THSD7B: variants seen among roughly 807,000 people sequenced by gnomAD.
The protein encoded by THSD7B is thrombospondin type 1 domain containing 7B, also known as thrombospondin type-1 domain-containing protein 7B.
Under a neutral mutation model 213.6 loss-of-function variants are expected in THSD7B, and 138 were observed. The ratio of observed to expected loss-of-function variants is 0.65; its 90% CI spans 0.56 to 0.74. THSD7B has a LOEUF of 0.74. Among genes scored for constraint, THSD7B ranks in the 30% least tolerant of loss-of-function variants. The pLI is 0.00. For synonymous variants in THSD7B, 742 were observed against 687.0 expected (o/e 1.08, Z -1.25); for missense variants, 1,931 against 1,991.5 (o/e 0.97, Z 0.58).
chr2:137,182,446 T>C (rs1326895900), intron 7 of THSD7B, among the ~76,000 whole-genome samples: 1 of 152,166 alleles, frequency 6.6e-6, no homozygotes, highest in Non-Finnish European at 1.5e-5. Context: ...AAGCTGCCTA[T>C]AGTGTATGAA....
intron 12 of THSD7B, among the ~76,000 whole-genome samples, chr2:137,382,225 G>C (rs577156412): frequency 7.2e-5 from 11 of 152,182 alleles, no homozygotes; most frequent in Non-Finnish European, 1.5e-4. Flanking sequence ...TAGCCCCACT[G>C]TATGTCATGG....
chr2:137,032,022 G>A (rs754749821), intron 2 of THSD7B, among the ~76,000 whole-genome samples: 51 of 151,642 alleles, frequency 3.4e-4, no homozygotes, highest in Non-Finnish European at 7.4e-4. Context: ...GTATTTTTTT[G>A]TGGTGACGAG....
intron 14 of THSD7B, among the ~76,000 whole-genome samples, chr2:137,428,418 C>T (rs573757977): frequency 6.2e-4 from 95 of 152,224 alleles, no homozygotes; most frequent in Non-Finnish European, 1.9e-4. Context: ...CATAGAATTA[C>T]CATATGACCC....
Position 137,126,634 on chromosome 2 carries a change from T to A in THSD7B, c.1369+11341T>A, listed in dbSNP as rs375580711. ...GACTGTTTTGCTTTCTCATCATTCA[T>A]GTGTTTACTGCAATAACACTTTTAA... On this transcript the variant is annotated intron_variant, in intron 5 of 27. Transcript: ENST00000409968. Among the ~76,000 whole-genome samples the A allele has an allele frequency of 5.0e-4, 76 of 152,324 alleles. 2 individuals carry two copies. The South Asian group carries it at 0.014, about 27-fold the overall frequency.
chr2:137,329,391 A>G (rs1684442382), intron 12 of THSD7B, among the ~76,000 whole-genome samples: 1 of 152,172 alleles, frequency 6.6e-6, no homozygotes, highest in Non-Finnish European at 1.5e-5. Context: ...GTTGAGACAG[A>G]GTCTCGCACT....
chr2:137,361,833 C>A (rs375785830), intron 12 of THSD7B, among the ~76,000 whole-genome samples: 8 of 152,106 alleles, frequency 5.3e-5, no homozygotes, highest in Admixed American at 5.2e-4. Context: ...AGGAGAACTT[C>A]CCCAACCTAG....
chr2:136,766,027 G>A (rs1284555939), intron 1 of THSD7B, among the ~76,000 whole-genome samples: 1 of 152,206 alleles, frequency 6.6e-6, no homozygotes, highest in Non-Finnish European at 1.5e-5. Context: ...CAGGAGCTCT[G>A]TTCCCTTCAC....
intron 12 of THSD7B, among the ~76,000 whole-genome samples, chr2:137,403,311 G>T (rs1209018155): frequency 6.6e-6 from 1 of 152,136 alleles, no homozygotes; most frequent in Non-Finnish European, 1.5e-5. Context: ...TAGATTTATG[G>T]TGTTCAGACA....
At chr2:136,810,718 T>C (rs1054899758) in intron 1 of THSD7B, among the ~76,000 whole-genome samples, 1 of 152,226 alleles carries the variant, frequency 6.6e-6, no homozygotes, top group Admixed American at 6.5e-5. Context: ...ATAATTAGTT[T>C]GTATGCTCTT....
intron 12 of THSD7B, among the ~76,000 whole-genome samples, chr2:137,403,417 T>A (rs1686420928): frequency 6.6e-6 from 1 of 152,214 alleles, no homozygotes; most frequent in Non-Finnish European, 1.5e-5. Context: ...TTACCCTACA[T>A]AAGAGAATTT....
chr2:136,825,718 ATTTTTT>A (rs55814718), intron 1 of THSD7B, among the ~76,000 whole-genome samples: 7 of 116,898 alleles, frequency 6.0e-5, no homozygotes, highest in Admixed American at 4.9e-4. Context: ...TGCCTGGCTA[ATTTTTT>A]TTTTTTTTTT....
intron 7 of THSD7B, among the ~76,000 whole-genome samples, chr2:137,198,561 G>T (rs1339310437): frequency 6.6e-6 from 1 of 152,146 alleles, no homozygotes. Flanking sequence ...GGTTTCAGCT[G>T]CTAGCTTTCA....
chr2:136,779,781 T>G (rs1681704874), intron 1 of THSD7B, among the ~76,000 whole-genome samples: 1 of 152,218 alleles, frequency 6.6e-6, no homozygotes, highest in Non-Finnish European at 1.5e-5. Flanking sequence ...TAGATATGCA[T>G]GTGCACAGAC....
At chr2:137,256,674 A>G (rs1048659525) in intron 10 of THSD7B, among the ~76,000 whole-genome samples, 13 of 152,222 alleles carry the variant, frequency 8.5e-5, no homozygotes, top group African/African-American at 2.9e-4. Context: ...CATGAGTGTG[A>G]TAAAATCACA....
chr2:137,058,625 C>T (rs985554141), intron 3 of THSD7B, among the ~76,000 whole-genome samples: 1 of 152,148 alleles, frequency 6.6e-6, no homozygotes, highest in Non-Finnish European at 1.5e-5. Flanking sequence ...CATACACAAA[C>T]ATTGAGTGCA....
chr2:136,811,345 A>G (rs1367655238), intron 1 of THSD7B, among the ~76,000 whole-genome samples: 1 of 152,134 alleles, frequency 6.6e-6, no homozygotes, highest in Non-Finnish European at 1.5e-5. Flanking sequence ...AATTCACAGC[A>G]CATGGGAGGT....
At position 137,405,802 on chromosome 2, in the gene THSD7B, T is replaced by C. The variant is rs781497571; in HGVS notation, c.2690T>C (p.Leu897Pro). Residue 897 changes from leucine (L) to proline (P), a missense_variant, in exon 13 of 28, where the codon CTC (leucine) becomes CCC (proline). Leu to Pro is a moderately conservative substitution (Grantham distance 98). Coordinates refer to ENST00000409968, the MANE Select transcript of THSD7B (RefSeq NM_001316349.2). ...GCCACAAAAAGTAGGCGGCGACAGCTCACAGGTATAGTGTGCATTTTACTC... is the reference window on the plus strand; with the variant it reads ...GCCACAAAAAGTAGGCGGCGACAGCCCACAGGTATAGTGTGCATTTTACTC... ...CEATKSRRRQ[L>P]TGKSRKKEKC... 7 of 1,610,310 alleles carry C rather than the reference T, an allele frequency of 4.3e-6. No individual in the cohort carries two copies. In the South Asian group the frequency reaches 6.6e-5, roughly 15 times the overall value.
intron 12 of THSD7B, among the ~76,000 whole-genome samples, chr2:137,277,351 T>C (rs987622964): frequency 6.6e-6 from 1 of 152,102 alleles, no homozygotes; most frequent in Non-Finnish European, 1.5e-5. Flanking sequence ...GATAGTCCTT[T>C]AGATTAGGCA....
intron 2 of THSD7B, among the ~76,000 whole-genome samples, chr2:136,933,041 A>C (rs1684657085): frequency 6.6e-6 from 1 of 152,074 alleles, no homozygotes; most frequent in Non-Finnish European, 1.5e-5. Flanking sequence ...TACTGGAGGA[A>C]TGTCTTAATA....
Sources: allele counts gnomAD v4.1 joint callset (sites outside exome capture counted in the v4.1 genomes callset), GRCh38; gene constraint gnomAD v4.1.1; transcripts MANE v1.5; gene names NCBI Gene and HGNC (gene_info 2026-07-23, HGNC 2026-07-21).